The following CAMTA1 variants were observed in gnomAD, a reference collection of about 807,000 sequenced individuals.
CAMTA1 encodes calmodulin binding transcription activator 1.
In CAMTA1, 27 loss-of-function variants were observed where a neutral mutation model predicts 170.9. The ratio of observed to expected loss-of-function variants is 0.16; its 90% CI spans 0.12 to 0.22. The LOEUF (loss-of-function observed/expected upper bound fraction) is 0.22. Among genes scored for constraint, CAMTA1 ranks in the 10% least tolerant of loss-of-function variants. The probability of loss-of-function intolerance (pLI) is 1.00; values close to 1 mark genes in which losing one functional copy is unlikely to be tolerated. For synonymous variants in CAMTA1, 833 were observed against 891.5 expected, an observed-to-expected ratio of 0.93 and a Z score of 1.17; for missense variants, 1,619 against 2,217.2, an observed-to-expected ratio of 0.73 and a Z score of 5.42.
chr1:7,599,576 G>A (rs2095425215), intron 6 of CAMTA1, among the ~76,000 whole-genome samples: 1 of 152,180 alleles, frequency 6.6e-6, no homozygotes, highest in African/African-American at 2.4e-5. Flanking sequence ...CCATGAGCAT[G>A]GAATGTTCTT....
rs1375961497 is a variant in CAMTA1 at position 7,299,115 on chromosome 1, CAA to C, written c.438+49491_438+49492del. 2.0e-5 allele frequency among the ~76,000 whole-genome samples: 3 copies of C among 152,178 alleles called. No individual in the cohort carries two copies. Among genetic ancestry groups the C allele is most frequent in the Admixed American group, 6.5e-5 (1 of 15,280 alleles). Reference sequence around the variant, plus strand: ...TCTCTAGGTCTGCTTCCTGAAAATTCAAAGTCTCTGAAAATTCTGTTTTAAAA... The same window carrying C: ...TCTCTAGGTCTGCTTCCTGAAAATTCAGTCTCTGAAAATTCTGTTTTAAAA... On this transcript the variant is annotated intron_variant, in intron 5 of 22. Transcript: ENST00000303635. The surrounding 1 kb of genome is among the most constrained non-coding windows in gnomAD (Gnocchi z 4.7).
intron 5 of CAMTA1, among the ~76,000 whole-genome samples, chr1:7,383,733 G>A (rs1406122308): frequency 6.6e-6 from 1 of 152,048 alleles, no homozygotes; most frequent in Non-Finnish European, 1.5e-5. Context: ...TGGTGGTGGT[G>A]CTGGTGCTGC....
intron 5 of CAMTA1, among the ~76,000 whole-genome samples, chr1:7,310,683 TCTC>T (rs1557491484): frequency 2.7e-4 from 11 of 41,094 alleles, no homozygotes; most frequent in East Asian, 4.6e-4. Flanking sequence ...TTTCTTTCTC[TCTC>T]TCTCTCTCTC....
At chr1:6,911,653 C>G (rs1679707239) in intron 3 of CAMTA1, among the ~76,000 whole-genome samples, 2 of 152,190 alleles carry the variant, frequency 1.3e-5, no homozygotes, top group African/African-American at 2.4e-5. Flanking sequence ...TGTCCGAGGC[C>G]AGATCCACCC....
intron 5 of CAMTA1, among the ~76,000 whole-genome samples, chr1:7,385,507 T>C (rs2087850659): frequency 6.6e-6 from 1 of 152,176 alleles, no homozygotes; most frequent in Non-Finnish European, 1.5e-5. Context: ...AGTACTGGGC[T>C]CGCGGGCCAG....
intron 5 of CAMTA1, among the ~76,000 whole-genome samples, chr1:7,368,172 C>A (rs2086151341): frequency 6.7e-6 from 1 of 148,316 alleles, no homozygotes; most frequent in Non-Finnish European, 1.5e-5. Flanking sequence ...AGGCCCTGGG[C>A]ATGGATGGTT....
At chr1:7,391,215 T>G (rs1009445337) in intron 5 of CAMTA1, among the ~76,000 whole-genome samples, 6 of 152,276 alleles carry the variant, frequency 3.9e-5, no homozygotes, top group Admixed American at 3.3e-4. Context: ...CAGGCTGGTC[T>G]CCAACTCCTG....
At chr1:7,242,700 A>G (rs10746469) in intron 4 of CAMTA1, among the ~76,000 whole-genome samples, 124,609 of 151,696 alleles carry the variant, frequency 0.82, 51,781 homozygotes, top group African/African-American at 0.95. Context: ...AGGGTGAGGC[A>G]GGCAGATCAC....
chr1:7,400,508 G>A (rs567528537), intron 5 of CAMTA1, among the ~76,000 whole-genome samples: 2 of 151,828 alleles, frequency 1.3e-5, no homozygotes, highest in Admixed American at 6.6e-5. Context: ...TTAGTGGAGA[G>A]GTATTGTTTC....
chr1:6,999,463 A>C (rs1203487812), intron 3 of CAMTA1, among the ~76,000 whole-genome samples: 1 of 152,166 alleles, frequency 6.6e-6, no homozygotes, highest in African/African-American at 2.4e-5. Flanking sequence ...GGCTCACTGC[A>C]ACCTCTGCCT....
chr1:7,246,071 G>T (rs774009015), intron 4 of CAMTA1, among the ~76,000 whole-genome samples: 1 of 152,152 alleles, frequency 6.6e-6, no homozygotes, highest in South Asian at 2.1e-4. Flanking sequence ...CCTGTCTATC[G>T]GGTAAAGGAT....
chr1:6,795,827 G>C (rs1457427918), intron 1 of CAMTA1, among the ~76,000 whole-genome samples: 1 of 151,822 alleles, frequency 6.6e-6, no homozygotes, highest in African/African-American at 2.4e-5. Flanking sequence ...TTGTATTCCT[G>C]AGCTGACTTC....
chr1:7,077,231 T>G (rs949443334), intron 3 of CAMTA1, among the ~76,000 whole-genome samples: 2 of 149,216 alleles, frequency 1.3e-5, no homozygotes, highest in Non-Finnish European at 2.9e-5. Context: ...AAGGTTTTTT[T>G]TTTTTTTTTT....
chr1:6,870,708 T>C (rs1668164774), intron 3 of CAMTA1, among the ~76,000 whole-genome samples: 2 of 152,214 alleles, frequency 1.3e-5, no homozygotes, highest in Admixed American at 1.3e-4. Flanking sequence ...TTCTTTTTCC[T>C]GGTTATGCTC....
chr1:7,637,453 G>A (rs956335302), intron 6 of CAMTA1, among the ~76,000 whole-genome samples: 3 of 152,190 alleles, frequency 2.0e-5, no homozygotes, highest in Non-Finnish European at 4.4e-5. Flanking sequence ...GCCCAGACGC[G>A]GTCCCTGGGA....
intron 11 of CAMTA1, among the ~76,000 whole-genome samples, chr1:7,717,601 G>A (rs946960519): frequency 6.6e-6 from 1 of 151,972 alleles, no homozygotes; most frequent in Non-Finnish European, 1.5e-5. Context: ...CAAAAAATTA[G>A]CCAGGCGTGG....
intron 4 of CAMTA1, among the ~76,000 whole-genome samples, chr1:7,205,906 C>T (rs1446053751): frequency 1.3e-5 from 2 of 152,102 alleles, no homozygotes; most frequent in African/African-American, 4.8e-5. Flanking sequence ...GTAGGAGATA[C>T]TGGACTTAAT....
chr1:7,580,319 G>A lies in CAMTA1; in HGVS notation c.511-60081G>A, dbSNP rs892489945. ...GCTGTTGGGGGGAATGGGGGCAGGT[G>A]GAGAAGAGGAGGAGCTTTCTGGAAG... On this transcript the variant is annotated intron_variant, in intron 6 of 22. Coordinates refer to ENST00000303635, the MANE Select transcript of CAMTA1 (RefSeq NM_015215.4). This position sits in a 1 kb window ranked among gnomAD's most constrained non-coding sequence, Gnocchi z 4.3. Among the ~76,000 whole-genome samples the A allele has an allele frequency of 2.0e-5, 3 of 151,704 alleles. No homozygotes were observed. The highest frequency in any genetic ancestry group is 3.9e-4 in the East Asian group (2 of 5,192).
intron 3 of CAMTA1, among the ~76,000 whole-genome samples, chr1:6,829,708 C>T (rs1476394201): frequency 6.6e-6 from 1 of 152,218 alleles, no homozygotes; most frequent in African/African-American, 2.4e-5. Flanking sequence ...TACCCGCAGT[C>T]AGAGCCGGGA....
Sources: gnomAD v4.1 joint callset for allele counts (sites outside exome capture counted in the v4.1 genomes callset) on GRCh38, gnomAD v4.1.1 for gene constraint, Gnocchi (gnomAD v3.1) non-coding constraint, MANE v1.5 for transcripts, NCBI Gene and HGNC (gene_info 2026-07-23, HGNC 2026-07-21) for gene names.